Variants in ROBO2 observed in about 807,000 individuals in gnomAD.
The protein encoded by ROBO2 is roundabout homolog 2.
In ROBO2, 53 loss-of-function variants were observed where a neutral mutation model predicts 160.8. That is an observed-to-expected ratio of 0.33 (90% CI 0.26 to 0.41). The LOEUF is 0.41. Among genes scored for constraint, ROBO2 ranks in the 10% least tolerant of loss-of-function variants. The pLI, the probability that ROBO2 is intolerant of heterozygous loss-of-function variation, is 1.00. For synonymous variants in ROBO2, 664 were observed against 611.7 expected (o/e 1.09, Z -1.26); for missense variants, 1,577 against 1,722.4 (o/e 0.92, Z 1.49).
chr3:76,272,771 T>TATATATAAA lies in ROBO2; in HGVS notation c.109+335186_109+335194dup, dbSNP rs1416362054. 4.0e-4 allele frequency among the ~76,000 whole-genome samples: 14 copies of TATATATAAA among 34,584 alleles called. 2 individuals carry two copies. Among genetic ancestry groups the TATATATAAA allele is most frequent in the African/African-American group, 1.4e-3 (14 of 10,100 alleles). The allele number at this position is 34,584 out of a possible 152,430, so 22.7% of individuals were successfully genotyped here. On this transcript the variant is annotated intron_variant, in intron 2 of 26. Coordinates refer to the ROBO2 transcript ENST00000487694. Reference sequence around the variant, plus strand: ...TATATATAAATATATAATATATATTTATATATAAAATATATAAAATATATA... The same window carrying TATATATAAA: ...TATATATAAATATATAATATATATTTATATATAAAATATATAAAATATATAAAATATATA...
At chr3:76,242,866 A>G in intron 2 of ROBO2, among the ~76,000 whole-genome samples, 1 of 152,202 alleles carries the variant, frequency 6.6e-6, no homozygotes, top group Admixed American at 6.5e-5. Context: ...CCTGGGCCAC[A>G]GAGCACAGGG....
intron 2 of ROBO2, chr3:77,317,351 G>A (rs1371286992): frequency 3.7e-5 from 31 of 844,494 alleles, no homozygotes; most frequent in South Asian, 3.3e-4. Context: ...GACCGTCCAC[G>A]CTCATCTCGG....
chr3:76,430,981 A>C (rs2076412192), intron 2 of ROBO2, among the ~76,000 whole-genome samples: 1 of 152,104 alleles, frequency 6.6e-6, no homozygotes, highest in Non-Finnish European at 1.5e-5. Flanking sequence ...TCTCAAACTA[A>C]TAAAATAATA....
At chr3:76,931,679 T>C (rs541219944) in intron 2 of ROBO2, among the ~76,000 whole-genome samples, 56 of 152,130 alleles carry the variant, frequency 3.7e-4, no homozygotes, top group African/African-American at 1.3e-3. Context: ...GGGGATGTTA[T>C]ACAGACTTTT....
At chr3:77,003,012 A>G (rs1019772836) in intron 2 of ROBO2, among the ~76,000 whole-genome samples, 9 of 152,316 alleles carry the variant, frequency 5.9e-5, no homozygotes, top group Middle Eastern at 3.4e-3. Context: ...GAAAAATAAA[A>G]GGAGAAAGCA....
exon 25 of ROBO2, chr3:77,644,730 C>T: frequency 6.2e-7 from 1 of 1,613,922 alleles, no homozygotes; most frequent in Non-Finnish European, 8.5e-7. Context: ...CTATAGCAAG[C>T]CCAGTTTCCC....
At chr3:76,910,739 A>G (rs1024866797) in intron 2 of ROBO2, among the ~76,000 whole-genome samples, 18 of 148,640 alleles carry the variant, frequency 1.2e-4, no homozygotes, top group African/African-American at 2.0e-4. Context: ...AAAAAAAAAA[A>G]AAAAAGAAAA....
intron 1 of ROBO2, among the ~76,000 whole-genome samples, chr3:77,072,847 T>C (rs2067567276): frequency 6.6e-6 from 1 of 152,228 alleles, no homozygotes; most frequent in Non-Finnish European, 1.5e-5. Flanking sequence ...TTAATCTGTT[T>C]TTCTTTAAAT....
chr3:76,836,055 GATTTATTTTAAATTATGACTTCT>G (rs1438999793), intron 2 of ROBO2, among the ~76,000 whole-genome samples: 1 of 151,878 alleles, frequency 6.6e-6, no homozygotes, highest in African/African-American at 2.4e-5. Flanking sequence ...ACCATATGAG[GATTTATTTTAAATTATGACTTCT>G]ATTTGATTAC....
In ROBO2 at chr3:77,470,941, C is replaced by T. The variant is rs11921552; in HGVS notation, c.389-6473C>T. Among the ~76,000 whole-genome samples, 805 of 152,252 alleles carry T rather than the reference C, an allele frequency of 5.3e-3. 9 individuals are homozygous for T. The highest frequency in any genetic ancestry group is 0.018 in the African/African-American group (760 of 41,536). On this transcript the variant is annotated intron_variant, in intron 2 of 25. Coordinates refer to ENST00000461745, the Ensembl canonical transcript of ROBO2. ...TGTTCAGTGTTGTTTGGGTCTCCTG[C>T]GGTTTTCAACTGCTGTTGGCCGTAC...
intron 2 of ROBO2, among the ~76,000 whole-genome samples, chr3:77,413,452 G>A (rs1199585376): frequency 6.6e-6 from 1 of 152,136 alleles, no homozygotes; most frequent in Non-Finnish European, 1.5e-5. Flanking sequence ...GGGAACTTTG[G>A]CTTTGATGCT....
chr3:77,558,200 C>A, intron 9 of ROBO2, 51 bp downstream of exon 10: 1 of 1,476,668 alleles, frequency 6.8e-7, no homozygotes, highest in Non-Finnish European at 9.5e-7. Context: ...ATAAGTACTG[C>A]TCTATGGAAA....
intron 2 of ROBO2, among the ~76,000 whole-genome samples, chr3:76,274,475 C>G (rs1707800252): frequency 6.6e-6 from 1 of 151,954 alleles, no homozygotes; most frequent in Admixed American, 6.6e-5. Context: ...TTTTATGAAT[C>G]TGATATATGA....
At chr3:76,625,776 C>T (rs1035908905) in intron 2 of ROBO2, among the ~76,000 whole-genome samples, 3 of 152,122 alleles carry the variant, frequency 2.0e-5, no homozygotes, top group Non-Finnish European at 4.4e-5. Context: ...AAAAGGGAGT[C>T]GTATCATACA....
chr3:75,907,500 A>G (rs1946398154), intron 1 of ROBO2, among the ~76,000 whole-genome samples: 1 of 152,118 alleles, frequency 6.6e-6, no homozygotes, highest in African/African-American at 2.4e-5. Context: ...TAAGCTTATT[A>G]AAGGGAACTT....
intron 2 of ROBO2, among the ~76,000 whole-genome samples, chr3:75,989,633 A>T (rs2065510252): frequency 6.6e-6 from 1 of 152,218 alleles, no homozygotes; most frequent in African/African-American, 2.4e-5. Flanking sequence ...AAGTATGAAG[A>T]TTACCAAAAA....
At chr3:77,166,660 G>A (rs1333853610) in intron 2 of ROBO2, among the ~76,000 whole-genome samples, 1 of 152,096 alleles carries the variant, frequency 6.6e-6, no homozygotes. Flanking sequence ...CCGGGTTCCC[G>A]CCATTCTCCT....
chr3:77,342,215 A>G (rs1432462253), intron 2 of ROBO2, among the ~76,000 whole-genome samples: 1 of 152,178 alleles, frequency 6.6e-6, no homozygotes, highest in African/African-American at 2.4e-5. Context: ...CCAGGGAAAG[A>G]ACAGCTGGAT....
chr3:76,039,791 T>C, intron 2 of ROBO2, among the ~76,000 whole-genome samples: 1 of 152,028 alleles, frequency 6.6e-6, no homozygotes, highest in East Asian at 1.9e-4. Flanking sequence ...TATTTGTATA[T>C]GATGTAATGA....
Sources: gnomAD v4.1 joint callset for allele counts (sites outside exome capture counted in the v4.1 genomes callset) on GRCh38, gnomAD v4.1.1 for gene constraint, MANE v1.5 for transcripts, NCBI Gene and HGNC (gene_info 2026-07-23, HGNC 2026-07-21) for gene names.